Variants in DSCAM observed in about 807,000 individuals in gnomAD.
The protein encoded by DSCAM is cell adhesion molecule DSCAM.
Under a neutral mutation model 217.7 loss-of-function variants are expected in DSCAM, and 47 were observed. The ratio of observed to expected loss-of-function variants is 0.22; its 90% CI spans 0.17 to 0.28. The LOEUF (loss-of-function observed/expected upper bound fraction) is 0.28, where lower values mean the gene tolerates loss of function less well. DSCAM is among the 10% of genes least tolerant of loss of function. The probability of loss-of-function intolerance (pLI) is 1.00; values close to 1 mark genes in which losing one functional copy is unlikely to be tolerated. For synonymous variants in DSCAM, 1,056 were observed against 1,015.3 expected, an observed-to-expected ratio of 1.04 and a Z score of -0.76; for missense variants, 2,080 against 2,618.3, an observed-to-expected ratio of 0.79 and a Z score of 4.49.
intron 11 of DSCAM, among the ~76,000 whole-genome samples, chr21:40,250,535 G>T (rs1407591331): frequency 2.0e-5 from 3 of 152,170 alleles, no homozygotes; most frequent in African/African-American, 7.2e-5. Context: ...AGTGCAAAAT[G>T]TGGCCATTTT....
chr21:40,744,975 A>T (rs2091159940), intron 1 of DSCAM, among the ~76,000 whole-genome samples: 1 of 152,202 alleles, frequency 6.6e-6, no homozygotes. Context: ...TTAAAAATCC[A>T]AATAGAAATC....
intron 20 of DSCAM, among the ~76,000 whole-genome samples, chr21:40,120,210 G>A (rs2090018040): frequency 6.6e-6 from 1 of 152,162 alleles, no homozygotes; most frequent in Non-Finnish European, 1.5e-5. Flanking sequence ...CTATGTACAG[G>A]AACTGAATAA....
chr21:40,339,631 C>T (rs1220028250), intron 6 of DSCAM, among the ~76,000 whole-genome samples: 1 of 151,894 alleles, frequency 6.6e-6, no homozygotes, highest in African/African-American at 2.4e-5. Flanking sequence ...TCAACTGTTT[C>T]TATATTTCCT....
At chr21:40,138,928 GGTACATGGT>G (rs1300805615) in intron 18 of DSCAM, among the ~76,000 whole-genome samples, 8 of 147,836 alleles carry the variant, frequency 5.4e-5, no homozygotes, top group East Asian at 4.1e-4. Flanking sequence ...TGTGTGGTGT[GGTACATGGT>G]GTATATGGGG....
At chr21:40,131,173 T>C (rs2090150737) in intron 19 of DSCAM, among the ~76,000 whole-genome samples, 5 of 152,262 alleles carry the variant, frequency 3.3e-5, no homozygotes, top group Admixed American at 3.3e-4. Flanking sequence ...CATTGAAGTA[T>C]AAATACGATC....
intron 3 of DSCAM, among the ~76,000 whole-genome samples, chr21:40,387,477 C>G (rs1314978304): frequency 6.6e-6 from 1 of 152,162 alleles, no homozygotes; most frequent in African/African-American, 2.4e-5. Flanking sequence ...GATTTGTAGT[C>G]TCACTGTCTC....
In DSCAM at chr21:40,144,600, G is replaced by A. The variant is rs1418597590; in HGVS notation, c.3150C>T (p.Thr1050=). The part of the protein sequence containing the change: ...VDTSGDSEVY[T]LDNLNKFTQY... Reference sequence around the variant, plus strand: ...GAGTGAACTTATTCAGGTTGTCCAGGGTGTAAACCTCACTGTCCCCGCTGG... The same window carrying A: ...GAGTGAACTTATTCAGGTTGTCCAGAGTGTAAACCTCACTGTCCCCGCTGG... The change falls in exon 17 of 33, where the codon ACC becomes ACT. Residue 1050 remains threonine (T), a synonymous_variant. Transcript: ENST00000400454. This position sits in a 1 kb window ranked among gnomAD's most constrained non-coding sequence, Gnocchi z 4.8. 6.2e-7 allele frequency: 1 copy of A among 1,614,122 alleles called. No individual in the cohort carries two copies.
At chr21:40,691,574 A>C (rs28376715) in intron 3 of DSCAM, among the ~76,000 whole-genome samples, 12,262 of 152,292 alleles carry the variant, frequency 0.081, 601 homozygotes, top group African/African-American at 0.14. Context: ...TAGCAAATAA[A>C]AATGTATAAG....
At chr21:40,808,896 A>G (rs561690592) in intron 1 of DSCAM, among the ~76,000 whole-genome samples, 1 of 152,292 alleles carries the variant, frequency 6.6e-6, no homozygotes, top group South Asian at 2.1e-4. Context: ...CTGCTTTGTT[A>G]GGTGACATAA....
At chr21:40,256,420 G>C (rs557450525) in intron 11 of DSCAM, among the ~76,000 whole-genome samples, 2 of 151,122 alleles carry the variant, frequency 1.3e-5, no homozygotes, top group Non-Finnish European at 2.9e-5. Context: ...GAGAGAGAGA[G>C]AGACAGAGAG....
intron 11 of DSCAM, among the ~76,000 whole-genome samples, chr21:40,248,111 T>C (rs1335066559): frequency 6.6e-6 from 1 of 152,180 alleles, no homozygotes; most frequent in Non-Finnish European, 1.5e-5. Flanking sequence ...GCACACAGCA[T>C]GGGCACCCTG....
intron 3 of DSCAM, among the ~76,000 whole-genome samples, chr21:40,466,777 C>G (rs2075848931): frequency 6.6e-6 from 1 of 152,056 alleles, no homozygotes; most frequent in African/African-American, 2.4e-5. Flanking sequence ...GGGACCACCT[C>G]AAAGGGCTTT....
At chr21:40,616,909 T>C (rs1220249204) in intron 3 of DSCAM, among the ~76,000 whole-genome samples, 2 of 143,814 alleles carry the variant, frequency 1.4e-5, no homozygotes, top group Non-Finnish European at 3.0e-5. Context: ...CCCAGCTACT[T>C]GGGAGGCTGA....
intron 3 of DSCAM, among the ~76,000 whole-genome samples, chr21:40,614,318 AAAAC>A (rs1427142228): frequency 2.6e-5 from 4 of 152,222 alleles, no homozygotes; most frequent in African/African-American, 4.8e-5. Flanking sequence ...ATCCTGATTT[AAAAC>A]AAACAAACAA....
intron 1 of DSCAM, among the ~76,000 whole-genome samples, chr21:40,844,432 A>T (rs1003305793): frequency 2.6e-5 from 4 of 152,074 alleles, no homozygotes; most frequent in African/African-American, 9.6e-5. Flanking sequence ...GCCTTCTGCT[A>T]GATTGGATCA....
intron 11 of DSCAM, among the ~76,000 whole-genome samples, chr21:40,265,347 T>C (rs2073510972): frequency 1.3e-5 from 2 of 151,924 alleles, no homozygotes; most frequent in South Asian, 2.1e-4. Context: ...AAAGAAATCA[T>C]AGATGACAAA....
At chr21:40,598,511 T>G (rs1381822071) in intron 3 of DSCAM, among the ~76,000 whole-genome samples, 2 of 139,390 alleles carry the variant, frequency 1.4e-5, no homozygotes, top group Non-Finnish European at 3.1e-5. Context: ...TTTTTTTTTT[T>G]TTTTTTTTTT....
At chr21:40,067,724 ATTCCCTCCCTCCCCTCATTCCCTCC>A (rs1568923231) in intron 27 of DSCAM, among the ~76,000 whole-genome samples, 11 of 47,310 alleles carry the variant, frequency 2.3e-4, no homozygotes, top group South Asian at 1.3e-3. Context: ...CCCTCCCCTC[ATTCCCTCCCTCCCCTCATTCCCTCC>A]CTCCCTCCCT....
At position 40,771,068 on chromosome 21, in the gene DSCAM, G is replaced by A. The variant is rs1000358953; in HGVS notation, c.44-62297C>T. 6.2e-4 allele frequency among the ~76,000 whole-genome samples: 94 copies of A among 152,154 alleles called. 1 individual carries two copies. Among genetic ancestry groups the A allele is most frequent in the African/African-American group, 2.2e-3 (90 of 41,448 alleles). ...CACCCCCAGGCTGCCGGACTCCAGG[G>A]CATGCCCAAGGGTAGCTGCAGAGTC... is the stretch of plus-strand genomic sequence containing the variant. On this transcript the variant is annotated intron_variant, in intron 1 of 32. Transcript: ENST00000400454.
Sources: gnomAD v4.1 joint callset for allele counts (sites outside exome capture counted in the v4.1 genomes callset) on GRCh38, gnomAD v4.1.1 for gene constraint, Gnocchi (gnomAD v3.1) non-coding constraint, MANE v1.5 for transcripts, NCBI Gene and HGNC (gene_info 2026-07-23, HGNC 2026-07-21) for gene names.